RECK: variants seen among roughly 807,000 people sequenced by gnomAD.
RECK encodes the protein reversion inducing cysteine rich protein with kazal motifs, also known as reversion-inducing cysteine-rich protein with Kazal motifs.
RECK carries 69 observed loss-of-function variants against 115.1 expected under a neutral mutation model. The observed-to-expected ratio is 0.60, with a 90% CI of 0.49 to 0.73. The LOEUF is 0.73. Ranked by LOEUF, RECK falls within the 30% of genes least tolerant of loss-of-function variation. RECK has a pLI of 0.00. For synonymous variants in RECK, 414 were observed against 419.7 expected (o/e 0.99, Z 0.17); for missense variants, 1,047 against 1,203.7 (o/e 0.87, Z 1.93).
chr9:36,076,680 G>A (rs562294114), intron 6 of RECK, among the ~76,000 whole-genome samples: 32 of 152,242 alleles, frequency 2.1e-4, no homozygotes, highest in African/African-American at 7.5e-4. Flanking sequence ...TAGTTATTGA[G>A]AGCAGCTACC....
chr9:36,089,590 A>G (rs1297609328), intron 9 of RECK, among the ~76,000 whole-genome samples: 1 of 152,170 alleles, frequency 6.6e-6, no homozygotes, highest in Non-Finnish European at 1.5e-5. Context: ...TCCACACCTG[A>G]CCTCATGTGA....
chr9:36,089,716 T>C (rs1451182206), intron 9 of RECK, among the ~76,000 whole-genome samples: 1 of 152,174 alleles, frequency 6.6e-6, no homozygotes, highest in East Asian at 1.9e-4. Flanking sequence ...TAAATGAATG[T>C]CGTGTTTAGA....
At chr9:36,040,263 A>G (rs181647789) in intron 1 of RECK, among the ~76,000 whole-genome samples, 1 of 152,338 alleles carries the variant, frequency 6.6e-6, no homozygotes, top group East Asian at 1.9e-4. Flanking sequence ...TGGCTAACAC[A>G]GAGAATTGTG....
At chr9:36,051,076 A>G (rs1416167360) in intron 1 of RECK, among the ~76,000 whole-genome samples, 2 of 152,302 alleles carry the variant, frequency 1.3e-5, no homozygotes, top group African/African-American at 4.8e-5. Context: ...TCAAGAGAAC[A>G]GACTTATGTT....
Position 36,083,452 on chromosome 9 carries a change from G to C in RECK, c.527G>C (p.Gly176Ala), listed in dbSNP as rs767863879. The C allele has an allele frequency of 9.6e-5, 155 of 1,613,884 alleles. 1 individual carries two copies. The South Asian group carries it at 1.6e-3, about 17-fold the overall frequency. Residue 176 changes from glycine (G) to alanine (A), a missense_variant, in exon 8 of 21, where the codon GGT becomes GCT. Transcript: ENST00000377966. ...QAIFRTDSSP[G>A]PSQIKAVENY... ...ATTTTTCGAACAGACTCTTCTCCTGGTCCATCTCAGATAAAAGCAGTGGAA... is the reference window on the plus strand; with the variant it reads ...ATTTTTCGAACAGACTCTTCTCCTGCTCCATCTCAGATAAAAGCAGTGGAA...
intron 6 of RECK, among the ~76,000 whole-genome samples, chr9:36,076,283 T>G (rs1393533699): frequency 6.6e-6 from 1 of 152,158 alleles, no homozygotes; most frequent in Non-Finnish European, 1.5e-5. Context: ...TTAACCAGTT[T>G]CCTATTTTAA....
chr9:36,052,934 T>G (rs76694009), intron 2 of RECK, among the ~76,000 whole-genome samples: 2,537 of 152,298 alleles, frequency 0.017, 54 homozygotes, highest in East Asian at 0.061. Flanking sequence ...ATACCAATAC[T>G]GTGATCCTGA....
chr9:36,053,929 G>A (rs1009369344), intron 2 of RECK, among the ~76,000 whole-genome samples: 2 of 152,152 alleles, frequency 1.3e-5, no homozygotes, highest in Admixed American at 6.6e-5. Flanking sequence ...CACAGATGTC[G>A]AATGTGACTT....
chr9:36,087,674 C>T lies in RECK; in HGVS notation c.638-20C>T, dbSNP rs762347458. ...ACAAAAAAAACAGCTAATTAAGCCACTTATATTCTGAAAATGTAGGTTTAT... is the reference window on the plus strand; with the variant it reads ...ACAAAAAAAACAGCTAATTAAGCCATTTATATTCTGAAAATGTAGGTTTAT... On this transcript the variant is annotated intron_variant, in intron 8 of 20. Transcript: ENST00000377966. 2.5e-6 allele frequency: 4 copies of T among 1,607,818 alleles called. No homozygotes were observed. Among genetic ancestry groups the T allele is most frequent in the Non-Finnish European group, 3.4e-6 (4 of 1,176,470 alleles).
Position 36,123,090 on chromosome 9 carries a change from C to A in RECK, c.*45C>A. On this transcript the variant is annotated 3_prime_UTR_variant, in exon 21 of 21. Coordinates refer to ENST00000377966, the MANE Select transcript of RECK (RefSeq NM_021111.3). The stretch of plus-strand genomic sequence containing the variant: ...AATGCTCCTCCACCTCACTCTCCTG[C>A]CTTGAAAAAGACATTCAGGACTGCT... 6.7e-7 allele frequency: 1 copy of A among 1,492,374 alleles called. No individual in the cohort carries two copies. The highest frequency in any genetic ancestry group is 9.2e-7 in the Non-Finnish European group (1 of 1,086,070). 92.4% of individuals were successfully genotyped at this position (1,492,374 alleles called of 1,614,324 possible).
intron 17 of RECK, among the ~76,000 whole-genome samples, chr9:36,118,124 C>T (rs1432777566): frequency 6.6e-6 from 1 of 152,222 alleles, no homozygotes; most frequent in Non-Finnish European, 1.5e-5. Flanking sequence ...GATTGCTTCA[C>T]ATTCTCTGGT....
At chr9:36,098,688 G>A (rs1245009923) in intron 10 of RECK, among the ~76,000 whole-genome samples, 7 of 152,086 alleles carry the variant, frequency 4.6e-5, no homozygotes, top group Admixed American at 3.9e-4. Context: ...CAAAAAATGG[G>A]GGAGAGGAAC....
intron 1 of RECK, among the ~76,000 whole-genome samples, chr9:36,045,118 A>G (rs1243794969): frequency 3.3e-5 from 5 of 152,236 alleles, no homozygotes; most frequent in African/African-American, 1.2e-4. Context: ...ATACAGATAG[A>G]TATGGCAGTA....
intron 16 of RECK, among the ~76,000 whole-genome samples, chr9:36,114,803 C>A (rs140793915): frequency 6.6e-6 from 1 of 152,090 alleles, no homozygotes; most frequent in Non-Finnish European, 1.5e-5. Flanking sequence ...CGAGATGGTG[C>A]CACTGCACTC....
chr9:36,042,749 C>T (rs1232481936), intron 1 of RECK, among the ~76,000 whole-genome samples: 1 of 152,108 alleles, frequency 6.6e-6, no homozygotes, highest in East Asian at 1.9e-4. Flanking sequence ...TAAGGAATCT[C>T]CCTACTGTTT....
chr9:36,052,475 TAAAAA>T, intron 2 of RECK, 152 bp downstream of exon 2: 2 of 527,770 alleles, frequency 3.8e-6, no homozygotes, highest in South Asian at 5.7e-5. Flanking sequence ...CTCTAAAAAA[TAAAAA>T]TAAAATTATA....
At chr9:36,071,886 A>G (rs1354131108) in intron 6 of RECK, among the ~76,000 whole-genome samples, 1 of 152,196 alleles carries the variant, frequency 6.6e-6, no homozygotes, top group African/African-American at 2.4e-5. Context: ...AGCTAAATGT[A>G]TAGAATGGTG....
At chr9:36,097,240 A>C (rs1823384316) in intron 10 of RECK, among the ~76,000 whole-genome samples, 1 of 151,362 alleles carries the variant, frequency 6.6e-6, no homozygotes. Flanking sequence ...AGACAGGAGA[A>C]TGGCTTGAAC....
At position 36,120,615 on chromosome 9, in the gene RECK, T is replaced by G. The variant is rs750570988; in HGVS notation, c.2465-48T>G. On this transcript the variant is annotated intron_variant, in intron 18 of 20. Coordinates refer to ENST00000377966, the MANE Select transcript of RECK (RefSeq NM_021111.3). ...ACATTTCACTAAGGATTTTAAATTC[T>G]CTTTGTTTCTAATTCTGAACGCACA... The G allele has an allele frequency of 2.1e-6, 3 of 1,430,786 alleles. No homozygotes were observed. In the East Asian group the frequency reaches 6.8e-5, roughly 33 times the overall value. 88.6% of individuals were successfully genotyped at this position (1,430,786 alleles called of 1,614,324 possible).
Sources: gnomAD v4.1 joint callset for allele counts (sites outside exome capture counted in the v4.1 genomes callset) on GRCh38, gnomAD v4.1.1 for gene constraint, MANE v1.5 for transcripts, NCBI Gene and HGNC (gene_info 2026-07-23, HGNC 2026-07-21) for gene names.